Variants in SCN9A observed in about 807,000 individuals in gnomAD.
SCN9A encodes the protein sodium channel protein type 9 subunit alpha.
SCN9A carries 131 observed loss-of-function variants against 187.0 expected under a neutral mutation model. The ratio of observed to expected loss-of-function variants is 0.70; its 90% CI spans 0.61 to 0.81. SCN9A has a LOEUF of 0.81. SCN9A is among the 30% of genes least tolerant of loss of function. The pLI is 0.00. For missense variants in SCN9A, 2,252 were observed against 2,396.6 expected, an observed-to-expected ratio of 0.94 and a Z score of 1.26; for synonymous variants, 809 against 808.6, an observed-to-expected ratio of 1.00 and a Z score of -0.01.
chr2:166,358,072 T>G (rs1186761287), intron 1 of SCN9A, among the ~76,000 whole-genome samples: 2 of 150,234 alleles, frequency 1.3e-5, no homozygotes, highest in Non-Finnish European at 3.0e-5. Context: ...ATTTATTTAT[T>G]TATTTATTTA....
At chr2:166,303,979 G>A in intron 6 of SCN9A, 1 of 1,513,394 alleles carries the variant, frequency 6.6e-7, no homozygotes, top group South Asian at 1.2e-5. Flanking sequence ...TTTTTTTTAT[G>A]TCTTTCTTTC....
intron 1 of SCN9A, among the ~76,000 whole-genome samples, chr2:166,368,519 G>C (rs1304740938): frequency 6.6e-6 from 1 of 152,034 alleles, no homozygotes; most frequent in East Asian, 1.9e-4. Context: ...TGTAATCCCA[G>C]CTACTTGGGA....
chr2:166,261,406 T>C (rs1249586413), intron 17 of SCN9A, among the ~76,000 whole-genome samples: 1 of 151,876 alleles, frequency 6.6e-6, no homozygotes, highest in African/African-American at 2.4e-5. Flanking sequence ...CTCAGGCAAG[T>C]GGGATAGTCA....
chr2:166,201,254 ATATAC>A (rs1558942241), intron 26 of SCN9A, among the ~76,000 whole-genome samples: 2 of 141,106 alleles, frequency 1.4e-5, no homozygotes, highest in Middle Eastern at 3.9e-3. Flanking sequence ...TATAGTATAC[ATATAC>A]TATACATATA....
At chr2:166,316,036 C>T (rs1272749469) in intron 1 of SCN9A, among the ~76,000 whole-genome samples, 5 of 151,672 alleles carry the variant, frequency 3.3e-5, no homozygotes, top group Non-Finnish European at 5.9e-5. Context: ...AAGGCAAAAT[C>T]GAAAAAGATA....
rs1161017776 is a variant in SCN9A at position 166,299,649 on chromosome 2, C to G, written c.901+3441G>C. Among the ~76,000 whole-genome samples, 5 of 150,742 alleles carry G rather than the reference C, an allele frequency of 3.3e-5. 2 individuals carry two copies. The highest frequency in any genetic ancestry group is 1.2e-4 in the African/African-American group (5 of 40,142). On this transcript the variant is annotated intron_variant, in intron 7 of 26. Coordinates refer to ENST00000642356, the MANE Select transcript of SCN9A (RefSeq NM_001365536.1). Reference sequence around the variant, plus strand: ...CTTTAAATACCAGGTTTCCCATTCTCTATCTACTTAAAAATATCAGGGATG... The same window carrying G: ...CTTTAAATACCAGGTTTCCCATTCTGTATCTACTTAAAAATATCAGGGATG...
At position 166,272,849 on chromosome 2, in the gene SCN9A, T is replaced by C. The variant is rs2106461547; in HGVS notation, c.2901A>G (p.Leu967=). 6.7e-7 allele frequency: 1 copy of C among 1,500,766 alleles called. No individual in the cohort carries two copies. The highest frequency in any genetic ancestry group is 1.4e-5 in the African/African-American group (1 of 71,396). The allele number at this position is 1,500,766 out of a possible 1,614,324, so 93.0% of individuals were successfully genotyped here. The change falls in exon 17 of 27, where the codon TTA becomes TTG. Residue 967 remains leucine (L), a synonymous_variant. Coordinates refer to ENST00000642356, the MANE Select transcript of SCN9A (RefSeq NM_001365536.1). ...GATTGTCTGAACTAAATGAGCTCAATAATAAGGCCAGAAATAGGTTTAGGA... is the reference window on the plus strand; with the variant it reads ...GATTGTCTGAACTAAATGAGCTCAACAATAAGGCCAGAAATAGGTTTAGGA... ...LVVLNLFLAL[L]LSSFSSDNLT...
chr2:166,370,253 T>C lies in SCN9A; in HGVS notation c.-51+5444A>G, dbSNP rs1017595384. Among the ~76,000 whole-genome samples the C allele has an allele frequency of 1.7e-3, 168 of 97,462 alleles. 1 individual carries two copies. Among genetic ancestry groups the C allele is most frequent in the African/African-American group, 8.5e-3 (159 of 18,656 alleles). 63.9% of individuals were successfully genotyped at this position (97,462 alleles called of 152,430 possible). ...TAATAATAATCATCATCATCATCAT[T>C]AGATAATGGGCTGAGCGCGGTGGCT... On this transcript the variant is annotated intron_variant, in intron 1 of 26. Transcript: ENST00000642356.
chr2:166,372,222 A>C (rs1700582479), intron 1 of SCN9A, among the ~76,000 whole-genome samples: 1 of 152,082 alleles, frequency 6.6e-6, no homozygotes, highest in South Asian at 2.1e-4. Context: ...GGATAAGCCC[A>C]CATTGCCTCT....
chr2:166,319,904 T>C (rs1393220324), intron 1 of SCN9A, among the ~76,000 whole-genome samples: 3 of 152,024 alleles, frequency 2.0e-5, no homozygotes, highest in Non-Finnish European at 4.4e-5. Flanking sequence ...AAAGTTTAAG[T>C]AACAAGAAAT....
intron 1 of SCN9A, among the ~76,000 whole-genome samples, chr2:166,315,197 A>G (rs1699079395): frequency 6.6e-6 from 1 of 152,208 alleles, no homozygotes; most frequent in Non-Finnish European, 1.5e-5. Flanking sequence ...GTGTAGACAT[A>G]CTGTGGCTCT....
Position 166,278,191 on chromosome 2 carries a change from C to T in SCN9A, c.2466G>A (p.Glu822=). The T allele has an allele frequency of 1.9e-6, 3 of 1,613,100 alleles. No individual in the cohort carries two copies. The highest frequency in any genetic ancestry group is 1.1e-5 in the South Asian group (1 of 91,026). The part of the protein sequence containing the change: ...DSLIVTLSLV[E]LFLADVEGLS... Reference sequence around the variant, plus strand: ...ATCCTTCCACATCTGCTAGAAAGAGCTCCACTAAACTTAAAGTCACAATAA... The same window carrying T: ...ATCCTTCCACATCTGCTAGAAAGAGTTCCACTAAACTTAAAGTCACAATAA... The change falls in exon 15 of 27, where the codon GAG becomes GAA. Residue 822 remains glutamate (E), a synonymous_variant. Transcript: ENST00000642356.
At chr2:166,247,157 C>CAAAA (rs35833662) in intron 18 of SCN9A, among the ~76,000 whole-genome samples, 480 of 41,702 alleles carry the variant, frequency 0.012, 8 homozygotes, top group African/African-American at 0.049. Flanking sequence ...CCAAAGCTCT[C>CAAAA]AAAAAAAAAA....
At chr2:166,273,073 C>G (rs1285453288) in intron 16 of SCN9A, among the ~76,000 whole-genome samples, 198 bp from the exon 17 acceptor site, 3 of 152,092 alleles carry the variant, frequency 2.0e-5, no homozygotes, top group Non-Finnish European at 4.4e-5. Flanking sequence ...TATCCCTAGA[C>G]TAGCCCCTGC....
chr2:166,213,880 T>C (rs1694205978), intron 24 of SCN9A, among the ~76,000 whole-genome samples: 1 of 152,004 alleles, frequency 6.6e-6, no homozygotes, highest in African/African-American at 2.4e-5. Flanking sequence ...AAAATACCCA[T>C]ATCAAAATGG....
chr2:166,214,453 C>T (rs896175215), intron 24 of SCN9A, among the ~76,000 whole-genome samples: 31 of 151,846 alleles, frequency 2.0e-4, no homozygotes, highest in Admixed American at 3.3e-4. Flanking sequence ...ACATTCCCCA[C>T]GCCTTCTTCC....
At chr2:166,369,354 A>G (rs1210927821) in intron 1 of SCN9A, among the ~76,000 whole-genome samples, 2 of 152,206 alleles carry the variant, frequency 1.3e-5, no homozygotes, top group Non-Finnish European at 2.9e-5. Context: ...CTTTATAAAA[A>G]TATTTTACAG....
At chr2:166,333,787 C>T (rs1699566006) in intron 1 of SCN9A, among the ~76,000 whole-genome samples, 1 of 151,940 alleles carries the variant, frequency 6.6e-6, no homozygotes, top group African/African-American at 2.4e-5. Context: ...GGATCAAATT[C>T]TTCAAGGGAT....
chr2:166,229,614 A>T (rs1043644855), intron 21 of SCN9A, among the ~76,000 whole-genome samples: 2 of 152,158 alleles, frequency 1.3e-5, no homozygotes, highest in Admixed American at 1.3e-4. Context: ...GTTCTACGAA[A>T]TAAGAGCAAT....
Sources: allele counts gnomAD v4.1 joint callset (sites outside exome capture counted in the v4.1 genomes callset), GRCh38; gene constraint gnomAD v4.1.1; transcripts MANE v1.5; gene names NCBI Gene and HGNC (gene_info 2026-07-23, HGNC 2026-07-21).